The following PAX8 variants were observed in gnomAD, a reference collection of about 807,000 sequenced individuals.
PAX8 encodes the protein paired box protein Pax-8.
PAX8 carries 15 observed loss-of-function variants against 52.4 expected under a neutral mutation model. That is an observed-to-expected ratio of 0.29 (90% CI 0.19 to 0.44). The LOEUF (loss-of-function observed/expected upper bound fraction) is 0.44. Among genes scored for constraint, PAX8 ranks in the 20% least tolerant of loss-of-function variants. The pLI is 1.00. For synonymous variants in PAX8, 284 were observed against 249.7 expected (o/e 1.14, Z -1.29); for missense variants, 554 against 602.5 (o/e 0.92, Z 0.84).
chr2:113,256,121 G>A (rs1231936577), intron 2 of PAX8, among the ~76,000 whole-genome samples: 1 of 152,180 alleles, frequency 6.6e-6, no homozygotes, highest in Admixed American at 6.5e-5. Flanking sequence ...TATCAGCCAG[G>A]GCTTGGTCAG....
intron 2 of PAX8, among the ~76,000 whole-genome samples, chr2:113,263,105 G>A (rs1692807886): frequency 6.6e-6 from 1 of 152,224 alleles, no homozygotes; most frequent in Non-Finnish European, 1.5e-5. Flanking sequence ...GGCAGGTTCA[G>A]TCAGTCAAGT....
At chr2:113,235,694 T>G in intron 8 of PAX8, 112 bp from the exon 9 acceptor site, 1 of 783,526 alleles carries the variant, frequency 1.3e-6, no homozygotes, top group South Asian at 1.8e-5. Context: ...CGGGGCAGGC[T>G]CAGCTGCCCT....
At position 113,217,841 on chromosome 2, in the gene PAX8, A is replaced by T; in HGVS notation, c.*692T>A. 4.3e-6 allele frequency: 1 copy of T among 233,318 alleles called. No individual in the cohort carries two copies. The allele number at this position is 233,318 out of a possible 1,614,324, so 14.5% of individuals were successfully genotyped here. ...TGCCAAGGGGATGCCGCACTGCAGG[A>T]GGACCTGGGGTGGTGCTATACCTTC... On this transcript the variant is annotated 3_prime_UTR_variant, in exon 12 of 12. Coordinates refer to ENST00000429538, the MANE Select transcript of PAX8 (RefSeq NM_003466.4).
chr2:113,251,268 G>A (rs529521339), intron 2 of PAX8, among the ~76,000 whole-genome samples: 1 of 152,286 alleles, frequency 6.6e-6, no homozygotes, highest in Admixed American at 6.5e-5. Context: ...TTGGGGGGAC[G>A]ATTGGCGCCC....
intron 5 of PAX8, among the ~76,000 whole-genome samples, 194 bp from the exon 6 acceptor site, chr2:113,242,324 C>T (rs910877641): frequency 2.6e-5 from 4 of 151,670 alleles, no homozygotes; most frequent in Non-Finnish European, 5.9e-5. Flanking sequence ...GGGAGAGGGT[C>T]AGGGAGTGAG....
At chr2:113,230,328 G>C (rs984724714) in intron 9 of PAX8, among the ~76,000 whole-genome samples, 2 of 152,124 alleles carry the variant, frequency 1.3e-5, no homozygotes, top group African/African-American at 4.8e-5. Flanking sequence ...GCTGCCTCTC[G>C]AGCCTGGCAG....
At chr2:113,223,483 A>C (rs1182670279) in intron 10 of PAX8, among the ~76,000 whole-genome samples, 1 of 152,170 alleles carries the variant, frequency 6.6e-6, no homozygotes, top group Non-Finnish European at 1.5e-5. Flanking sequence ...TTTTCCTAGA[A>C]ATCAGAGTAG....
chr2:113,247,765 G>T (rs1691448286), intron 2 of PAX8, among the ~76,000 whole-genome samples: 1 of 152,210 alleles, frequency 6.6e-6, no homozygotes, highest in Admixed American at 6.5e-5. Context: ...CTAACTATGT[G>T]CCACGCACTG....
chr2:113,261,828 T>G (rs1365575121), intron 2 of PAX8, among the ~76,000 whole-genome samples: 4 of 152,108 alleles, frequency 2.6e-5, no homozygotes, highest in African/African-American at 9.7e-5. Context: ...TTAGGTTTTT[T>G]TTTTTTTTTA....
intron 2 of PAX8, among the ~76,000 whole-genome samples, chr2:113,258,115 C>G (rs11887525): frequency 0.26 from 38,851 of 152,108 alleles, 5,690 homozygotes; most frequent in African/African-American, 0.41. Context: ...TATGTCCTTT[C>G]GTCACCTACC....
At chr2:113,261,282 C>A (rs1692658943) in intron 2 of PAX8, among the ~76,000 whole-genome samples, 2 of 152,154 alleles carry the variant, frequency 1.3e-5, no homozygotes, top group Non-Finnish European at 2.9e-5. Flanking sequence ...TTTCATCTGG[C>A]TTGACAGAAG....
chr2:113,233,039 C>T (rs1470194076), intron 9 of PAX8, among the ~76,000 whole-genome samples: 2 of 143,042 alleles, frequency 1.4e-5, no homozygotes, highest in Non-Finnish European at 3.1e-5. Context: ...CTCCCCTCCC[C>T]TCCCCTCCCT....
At chr2:113,233,352 T>C (rs1012292799) in intron 9 of PAX8, among the ~76,000 whole-genome samples, 1 of 137,530 alleles carries the variant, frequency 7.3e-6, no homozygotes, top group African/African-American at 2.7e-5. Context: ...AAAACCCGGG[T>C]GCCAGCCAGA....
In PAX8 at chr2:113,235,351, C is replaced by G; in HGVS notation, c.1087+43G>C. On this transcript the variant is annotated intron_variant, in intron 9 of 11. Coordinates refer to ENST00000429538, the MANE Select transcript of PAX8 (RefSeq NM_003466.4). The stretch of plus-strand genomic sequence containing the variant: ...GTCTGCCCTGAGGACCCCCGTCCCA[C>G]CCGCCGCCATAGCTGCATGGCCCCG... 5 of 1,519,114 alleles carry G rather than the reference C, an allele frequency of 3.3e-6. No homozygotes were observed. The South Asian group carries it at 3.7e-5, about 11-fold the overall frequency. The allele number at this position is 1,519,114 out of a possible 1,614,324, so 94.1% of individuals were successfully genotyped here. A position where few individuals can be genotyped will look rare whatever the true frequency, so the allele number is the denominator to read the frequency against.
At chr2:113,224,892 C>G (rs1487307323) in intron 10 of PAX8, among the ~76,000 whole-genome samples, 1 of 148,230 alleles carries the variant, frequency 6.7e-6, no homozygotes, top group Admixed American at 6.7e-5. Flanking sequence ...AAAATAGAAA[C>G]AGAAGGTGAA....
rs542905348 is a variant in PAX8, at chr2:113,217,346, A to G, written c.*1187T>C. The stretch of plus-strand genomic sequence containing the variant: ...CCCGGGATGCCTCCTTCCCCAGCCA[A>G]CCCCAAAGCCTGAGATGAAGAGCAA... On this transcript the variant is annotated 3_prime_UTR_variant, in exon 12 of 12. Transcript: ENST00000429538. The G allele has an allele frequency of 4.4e-6, 1 of 225,390 alleles. No individual in the cohort carries two copies. The highest frequency in any genetic ancestry group is 2.2e-5 in the African/African-American group (1 of 44,884). 14.0% of individuals were successfully genotyped at this position (225,390 alleles called of 1,614,324 possible). A position where few individuals can be genotyped will look rare whatever the true frequency, so the allele number is the denominator to read the frequency against.
At chr2:113,277,153 T>C (rs546807158) in intron 2 of PAX8, among the ~76,000 whole-genome samples, 13 of 152,250 alleles carry the variant, frequency 8.5e-5, no homozygotes, top group African/African-American at 2.9e-4. Context: ...CCCCGCGCCT[T>C]CTGGGGGCAG....
At chr2:113,277,674 C>T (rs1208920117) in intron 2 of PAX8, among the ~76,000 whole-genome samples, 4 of 152,192 alleles carry the variant, frequency 2.6e-5, no homozygotes. Context: ...CAGCCCTGGC[C>T]GGGAAGGGGG....
At chr2:113,233,677 CAAAAAACAAAAAAACA>C (rs1690049970) in intron 9 of PAX8, among the ~76,000 whole-genome samples, 2 of 69,686 alleles carry the variant, frequency 2.9e-5, no homozygotes, top group African/African-American at 1.0e-4. Context: ...GATTCCATCT[CAAAAAACAAAAAAACA>C]AAAAAAAAAG....
Sources: gnomAD v4.1 joint callset for allele counts (sites outside exome capture counted in the v4.1 genomes callset) on GRCh38, gnomAD v4.1.1 for gene constraint, MANE v1.5 for transcripts, NCBI Gene and HGNC (gene_info 2026-07-23, HGNC 2026-07-21) for gene names.